Variants in CRTC1 observed in about 807,000 individuals in gnomAD.
The protein encoded by CRTC1 is CREB-regulated transcription coactivator 1.
In CRTC1, 18 loss-of-function variants were observed where a neutral mutation model predicts 66.1. The observed-to-expected ratio is 0.27, with a 90% CI of 0.19 to 0.40. CRTC1 has a LOEUF of 0.40. Among genes scored for constraint, CRTC1 ranks in the 10% least tolerant of loss-of-function variants. The pLI is 1.00. For synonymous variants in CRTC1, 416 were observed against 398.8 expected (o/e 1.04, Z -0.51); for missense variants, 669 against 887.9 (o/e 0.75, Z 3.13).
At chr19:18,706,655 A>G (rs1213031258) in intron 1 of CRTC1, among the ~76,000 whole-genome samples, 1 of 151,834 alleles carries the variant, frequency 6.6e-6, no homozygotes, top group Non-Finnish European at 1.5e-5. Flanking sequence ...GTTTTTTGAG[A>G]TTCTGTATGG....
intron 9 of CRTC1, among the ~76,000 whole-genome samples, chr19:18,767,880 C>A (rs944563912): frequency 7.9e-5 from 12 of 152,266 alleles, no homozygotes; most frequent in African/African-American, 2.2e-4. Context: ...AGGGACCCCA[C>A]CTTTCCCAAG....
intron 1 of CRTC1, among the ~76,000 whole-genome samples, chr19:18,737,339 T>C (rs2054020084): frequency 6.6e-6 from 1 of 152,060 alleles, no homozygotes; most frequent in Non-Finnish European, 1.5e-5. Context: ...CTTGGTAGTG[T>C]CAGAGCTTCT....
intron 1 of CRTC1, among the ~76,000 whole-genome samples, chr19:18,688,141 A>G (rs1014507149): frequency 6.6e-6 from 1 of 152,150 alleles, no homozygotes; most frequent in African/African-American, 2.4e-5. Flanking sequence ...TAGGGGGGAC[A>G]GGAGAGCATC....
At chr19:18,688,952 C>CT (rs529984893) in intron 1 of CRTC1, among the ~76,000 whole-genome samples, 12 of 151,320 alleles carry the variant, frequency 7.9e-5, no homozygotes, top group African/African-American at 1.2e-4. Context: ...TGCTTGCTTT[C>CT]TTTTTTTTTG....
intron 1 of CRTC1, among the ~76,000 whole-genome samples, chr19:18,731,679 C>T (rs867971820): frequency 1.3e-5 from 2 of 152,226 alleles, no homozygotes; most frequent in African/African-American, 4.8e-5. Context: ...ACAGCAGGCC[C>T]CCCGCTAGCC....
intron 2 of CRTC1, among the ~76,000 whole-genome samples, chr19:18,745,526 G>A (rs1185133830): frequency 1.3e-5 from 2 of 152,178 alleles, no homozygotes; most frequent in Non-Finnish European, 2.9e-5. Context: ...GGCACCCGGC[G>A]GGCGCTGGCC....
intron 1 of CRTC1, among the ~76,000 whole-genome samples, chr19:18,717,793 G>A (rs907780207): frequency 6.6e-6 from 1 of 152,098 alleles, no homozygotes; most frequent in South Asian, 2.1e-4. Context: ...TCTCATGCCA[G>A]CCCTGGTCAA....
intron 3 of CRTC1, 69 bp downstream of exon 3, chr19:18,746,029 C>T (rs1362493953): frequency 2.6e-6 from 4 of 1,537,048 alleles, no homozygotes; most frequent in Non-Finnish European, 3.5e-6. Flanking sequence ...CCCAAGTTTA[C>T]CCAGCAGGTT....
intron 1 of CRTC1, among the ~76,000 whole-genome samples, chr19:18,715,369 A>G (rs1217823646): frequency 6.6e-6 from 1 of 152,342 alleles, no homozygotes; most frequent in South Asian, 2.1e-4. Flanking sequence ...CTGGGATTAC[A>G]GGTGCACGAC....
At chr19:18,755,488 G>T (rs905309107) in intron 6 of CRTC1, among the ~76,000 whole-genome samples, 1 of 151,714 alleles carries the variant, frequency 6.6e-6, no homozygotes, top group African/African-American at 2.4e-5. Flanking sequence ...GGAGTGCAAT[G>T]GTAGGAACAC....
intron 13 of CRTC1, among the ~76,000 whole-genome samples, chr19:18,776,672 G>A (rs1005885752): frequency 2.6e-5 from 4 of 152,238 alleles, no homozygotes; most frequent in African/African-American, 7.2e-5. Context: ...AAGACAGGGC[G>A]TTTCAGCCCC....
At chr19:18,764,990 T>G (rs2054697411) in intron 8 of CRTC1, among the ~76,000 whole-genome samples, 2 of 152,236 alleles carry the variant, frequency 1.3e-5, no homozygotes, top group Admixed American at 6.5e-5. Context: ...GCCTCTCCCC[T>G]GCAGCCCTTC....
At chr19:18,700,193 C>T (rs1373825594) in intron 1 of CRTC1, among the ~76,000 whole-genome samples, 5 of 152,170 alleles carry the variant, frequency 3.3e-5, no homozygotes, top group Admixed American at 6.5e-5. Flanking sequence ...CTGACGCCTC[C>T]GCTGGTCCCA....
intron 1 of CRTC1, among the ~76,000 whole-genome samples, chr19:18,701,298 G>T (rs923314742): frequency 3.3e-5 from 5 of 152,374 alleles, no homozygotes; most frequent in Admixed American, 1.3e-4. Flanking sequence ...CAGTTTCCTG[G>T]CTGTAAAAAG....
rs1182672516 is a variant in CRTC1, at chr19:18,771,035, G to T, written c.1321-407G>T. Among the ~76,000 whole-genome samples the T allele has an allele frequency of 6.6e-6, 1 of 150,918 alleles. No individual in the cohort carries two copies. The highest frequency in any genetic ancestry group is 1.5e-5 in the Non-Finnish European group (1 of 67,658). On this transcript the variant is annotated intron_variant, in intron 10 of 13. Transcript: ENST00000321949. The surrounding 1 kb of genome is among the most constrained non-coding windows in gnomAD (Gnocchi z 4.6). The stretch of plus-strand genomic sequence containing the variant: ...ATGTGTGGATATGTGCACATGTGTG[G>T]GTGTGCATGTGTGGGTATGTATATT...
At position 18,735,357 on chromosome 19, in the gene CRTC1, G is replaced by A. The variant is rs576259230; in HGVS notation, c.127-7553G>A. ...CATCTGGTTAAAAGCTGGCCTGGAGGGTGTTCACCTCCTTTGTTCTGCTTG... is the reference window on the plus strand; with the variant it reads ...CATCTGGTTAAAAGCTGGCCTGGAGAGTGTTCACCTCCTTTGTTCTGCTTG... On this transcript the variant is annotated intron_variant, in intron 1 of 13. Transcript: ENST00000321949. Among the ~76,000 whole-genome samples the A allele has an allele frequency of 6.6e-5, 10 of 152,302 alleles. No homozygotes were observed. In the South Asian group the frequency reaches 2.1e-3, roughly 32 times the overall value.
intron 1 of CRTC1, among the ~76,000 whole-genome samples, chr19:18,700,920 C>T (rs1006513904): frequency 1.1e-4 from 16 of 152,026 alleles, no homozygotes; most frequent in South Asian, 2.1e-4. Context: ...TGAGTCCTTT[C>T]GCATCTGTGC....
rs534029775 is a variant in CRTC1 at position 18,710,907 on chromosome 19, C to T, written c.126+27079C>T. Among the ~76,000 whole-genome samples the T allele has an allele frequency of 1.3e-4, 20 of 152,278 alleles. No homozygotes were observed. In the South Asian group the frequency reaches 1.9e-3, roughly 14 times the overall value. ...CTGGGATTACAGGTGTGAACCACCGCGCCCGGCCTCACCCTTGACTGTTTA... is the reference window on the plus strand; with the variant it reads ...CTGGGATTACAGGTGTGAACCACCGTGCCCGGCCTCACCCTTGACTGTTTA... On this transcript the variant is annotated intron_variant, in intron 1 of 13. Coordinates refer to ENST00000321949, the MANE Select transcript of CRTC1 (RefSeq NM_015321.3).
chr19:18,746,304 G>C (rs1568518939), intron 3 of CRTC1, among the ~76,000 whole-genome samples: 1 of 152,210 alleles, frequency 6.6e-6, no homozygotes, highest in Non-Finnish European at 1.5e-5. Flanking sequence ...CCCACAGTCA[G>C]GGCTGTGAGC....
Sources: gnomAD v4.1 joint callset for allele counts (sites outside exome capture counted in the v4.1 genomes callset) on GRCh38, gnomAD v4.1.1 for gene constraint, Gnocchi (gnomAD v3.1) non-coding constraint, MANE v1.5 for transcripts, NCBI Gene and HGNC (gene_info 2026-07-23, HGNC 2026-07-21) for gene names.